Variants in CSMD1 observed in about 807,000 individuals in gnomAD.
The protein encoded by CSMD1 is CUB and sushi domain-containing protein 1.
CSMD1 carries 213 observed loss-of-function variants against 417.5 expected under a neutral mutation model. The ratio of observed to expected loss-of-function variants is 0.51; its 90% CI spans 0.46 to 0.57. The LOEUF is 0.57. Ranked by LOEUF, CSMD1 falls within the 20% of genes least tolerant of loss-of-function variation. CSMD1 has a pLI of 0.00. For synonymous variants in CSMD1, 2,862 were observed against 1,736.8 expected, an observed-to-expected ratio of 1.65 and a Z score of -16.11; for missense variants, 6,923 against 4,529.7, an observed-to-expected ratio of 1.53 and a Z score of -15.17.
At chr8:4,188,223 T>G (rs1290428350) in intron 3 of CSMD1, among the ~76,000 whole-genome samples, 1 of 152,088 alleles carries the variant, frequency 6.6e-6, no homozygotes, top group African/African-American at 2.4e-5. Context: ...GATGTAAAAT[T>G]TGACTCTGAG....
chr8:3,650,991 C>G (rs1797825616), intron 7 of CSMD1, among the ~76,000 whole-genome samples: 1 of 152,174 alleles, frequency 6.6e-6, no homozygotes, highest in African/African-American at 2.4e-5. Flanking sequence ...TCTTTTAGTT[C>G]CTTAGACCAA....
intron 3 of CSMD1, among the ~76,000 whole-genome samples, chr8:4,131,749 A>T (rs963808629): frequency 2.1e-5 from 3 of 142,292 alleles, no homozygotes; most frequent in African/African-American, 7.6e-5. Context: ...TTAGTATACA[A>T]ATGTGACTTT....
At chr8:4,993,918 C>G (rs1197252763) in intron 1 of CSMD1, among the ~76,000 whole-genome samples, 2 of 152,106 alleles carry the variant, frequency 1.3e-5, no homozygotes. Flanking sequence ...GGACGCTTTC[C>G]CAGGCGCGTC....
chr8:2,999,469 A>G lies in CSMD1; in HGVS notation c.8203+489T>C, dbSNP rs1308061275. Among the ~76,000 whole-genome samples the G allele has an allele frequency of 3.3e-5, 5 of 152,084 alleles. No individual in the cohort carries two copies. The East Asian group carries it at 9.7e-4, about 29-fold the overall frequency. ...ACGCCTGGCCAATTTTACCTCTTTC[A>G]AGTAAAAGAAAGAATGCTTACAAAA... On this transcript the variant is annotated intron_variant, in intron 53 of 69. Coordinates refer to ENST00000635120, the MANE Select transcript of CSMD1 (RefSeq NM_033225.6).
intron 5 of CSMD1, among the ~76,000 whole-genome samples, chr8:3,873,840 G>T (rs1234117765): frequency 6.6e-6 from 1 of 152,160 alleles, no homozygotes; most frequent in African/African-American, 2.4e-5. Context: ...TGTAGTTTCT[G>T]GATGTTAGGA....
intron 10 of CSMD1, among the ~76,000 whole-genome samples, chr8:3,518,659 C>G (rs899863816): frequency 6.6e-6 from 1 of 152,070 alleles, no homozygotes; most frequent in African/African-American, 2.4e-5. Flanking sequence ...ACAAATAAAA[C>G]AAATGAGAAA....
chr8:4,720,631 G>A (rs1355241255), intron 1 of CSMD1, among the ~76,000 whole-genome samples: 1 of 152,252 alleles, frequency 6.6e-6, no homozygotes, highest in Non-Finnish European at 1.5e-5. Context: ...TGGCCAGGCT[G>A]CTCTCCTCTC....
intron 26 of CSMD1, among the ~76,000 whole-genome samples, chr8:3,275,627 T>A (rs2117182090): frequency 6.6e-6 from 1 of 152,316 alleles, no homozygotes; most frequent in East Asian, 1.9e-4. Flanking sequence ...TTTGCTCGTT[T>A]CTTTTTATTC....
chr8:3,524,221 G>A (rs111220156), intron 10 of CSMD1, among the ~76,000 whole-genome samples: 2,170 of 144,436 alleles, frequency 0.015, 22 homozygotes, highest in Non-Finnish European at 0.021. Context: ...CAGACAATAT[G>A]CACACACATA....
chr8:4,688,327 C>G (rs1457121896), intron 1 of CSMD1, among the ~76,000 whole-genome samples: 1 of 152,070 alleles, frequency 6.6e-6, no homozygotes, highest in South Asian at 2.1e-4. Context: ...GGATGCAGGT[C>G]AAGTCACCAG....
intron 1 of CSMD1, among the ~76,000 whole-genome samples, chr8:4,959,654 G>C (rs567192045): frequency 2.0e-5 from 3 of 152,294 alleles, no homozygotes; most frequent in South Asian, 2.1e-4. Context: ...TCTCTTCTCA[G>C]CGTATTATCT....
At position 4,071,825 on chromosome 8, in the gene CSMD1, G is replaced by T. The variant is rs141342883; in HGVS notation, c.416-39726C>A. 2.4e-3 allele frequency among the ~76,000 whole-genome samples: 365 copies of T among 151,336 alleles called. 3 individuals carry two copies. Among genetic ancestry groups the T allele is most frequent in the African/African-American group, 8.3e-3 (345 of 41,372 alleles). On this transcript the variant is annotated intron_variant, in intron 3 of 69. Coordinates refer to ENST00000635120, the MANE Select transcript of CSMD1 (RefSeq NM_033225.6). ...TGCATTCAAATGAAAACTTCCTGTT[G>T]TGGGGGGGTGGTGTGCACATCCACT... is the stretch of plus-strand genomic sequence containing the variant.
intron 2 of CSMD1, among the ~76,000 whole-genome samples, chr8:4,554,416 C>G (rs1024978404): frequency 5.3e-5 from 8 of 152,120 alleles, no homozygotes; most frequent in African/African-American, 1.9e-4. Flanking sequence ...CGATAACAGG[C>G]GTGAACAGGC....
rs563783469 is a variant in CSMD1 at position 3,347,676 on chromosome 8, G to A, written c.3474+316C>T. The stretch of plus-strand genomic sequence containing the variant: ...TGTATTAAATCCTCAAGACAGTCCA[G>A]AAAGGTAGGTACAATTGCATTTTGT... On this transcript the variant is annotated intron_variant, in intron 22 of 69. Transcript: ENST00000635120. Among the ~76,000 whole-genome samples the A allele has an allele frequency of 1.1e-4, 16 of 152,312 alleles. No individual in the cohort carries two copies. The South Asian group carries it at 3.3e-3, about 32-fold the overall frequency.
chr8:3,475,250 G>A (rs1025109199), intron 11 of CSMD1, among the ~76,000 whole-genome samples: 5 of 152,112 alleles, frequency 3.3e-5, no homozygotes, highest in Non-Finnish European at 5.9e-5. Flanking sequence ...ACAGAAAACT[G>A]CTTCAACCTC....
chr8:3,600,311 T>C (rs1383888948), intron 8 of CSMD1, among the ~76,000 whole-genome samples: 3 of 152,236 alleles, frequency 2.0e-5, no homozygotes, highest in Non-Finnish European at 2.9e-5. Flanking sequence ...GGGCATTTAA[T>C]GCTGTTGAAG....
At chr8:4,321,369 A>T (rs773441152) in intron 3 of CSMD1, among the ~76,000 whole-genome samples, 1 of 152,148 alleles carries the variant, frequency 6.6e-6, no homozygotes, top group Non-Finnish European at 1.5e-5. Flanking sequence ...CAGTTAAAGC[A>T]TAAGAACGGA....
chr8:3,276,788 T>G (rs191014617), intron 26 of CSMD1, among the ~76,000 whole-genome samples: 86 of 152,326 alleles, frequency 5.6e-4, no homozygotes, highest in South Asian at 1.2e-3. Context: ...TACTAATATT[T>G]TCAACATTTA....
chr8:4,407,125 G>C (rs1050981739), intron 3 of CSMD1, among the ~76,000 whole-genome samples: 1 of 152,174 alleles, frequency 6.6e-6, no homozygotes, highest in Admixed American at 6.5e-5. Context: ...AGTTACCACA[G>C]ACACCAGATG....
Sources: allele counts gnomAD v4.1 joint callset (sites outside exome capture counted in the v4.1 genomes callset), GRCh38; gene constraint gnomAD v4.1.1; transcripts MANE v1.5; gene names NCBI Gene and HGNC (gene_info 2026-07-23, HGNC 2026-07-21).